ZNF214: variants seen among roughly 807,000 people sequenced by gnomAD.
ZNF214 encodes BWSCR2-associated zinc finger protein 1.
In ZNF214, 43 loss-of-function variants were observed where a neutral mutation model predicts 53.9. The observed-to-expected ratio is 0.80, with a 90% CI of 0.63 to 1.03. The LOEUF is 1.03. ZNF214 is among the 50% of genes least tolerant of loss of function. The pLI is 0.00. For synonymous variants in ZNF214, 217 were observed against 229.5 expected, an observed-to-expected ratio of 0.95 and a Z score of 0.49; for missense variants, 724 against 719.1, an observed-to-expected ratio of 1.01 and a Z score of -0.08.
chr11:7,013,127 A>C (rs1851646400), intron 1 of ZNF214, among the ~76,000 whole-genome samples: 1 of 152,124 alleles, frequency 6.6e-6, no homozygotes, highest in African/African-American at 2.4e-5. Context: ...AGCATGGTGC[A>C]AGTTGCCCAA....
At chr11:7,013,448 A>G (rs1317511291) in intron 1 of ZNF214, among the ~76,000 whole-genome samples, 5 of 152,236 alleles carry the variant, frequency 3.3e-5, no homozygotes, top group African/African-American at 1.2e-4. Flanking sequence ...CTAGGCTCCT[A>G]TTCCCACTAT....
chr11:7,011,999 A>G (rs1851616736), intron 1 of ZNF214, among the ~76,000 whole-genome samples: 1 of 152,208 alleles, frequency 6.6e-6, no homozygotes, highest in Admixed American at 6.5e-5. Context: ...GCAGTAACTT[A>G]AATTCAATAC....
chr11:7,011,810 CAATA>C (rs1169230187), intron 1 of ZNF214, among the ~76,000 whole-genome samples: 1 of 151,892 alleles, frequency 6.6e-6, no homozygotes, highest in Non-Finnish European at 1.5e-5. Context: ...CTATCAGATA[CAATA>C]AATAGTTTAA....
intron 1 of ZNF214, among the ~76,000 whole-genome samples, chr11:7,010,092 G>C (rs1170206459): frequency 6.6e-6 from 1 of 151,932 alleles, no homozygotes; most frequent in South Asian, 2.1e-4. Context: ...AATATAAACT[G>C]TTCTACCATA....
At position 6,999,236 on chromosome 11, in the gene ZNF214, C is replaced by T. The variant is rs767100029; in HGVS notation, c.*626G>A. 6.6e-6 allele frequency: 1 copy of T among 152,182 alleles called. No homozygotes were observed. Among genetic ancestry groups the T allele is most frequent in the Admixed American group, 6.6e-5 (1 of 15,226 alleles). 9.4% of individuals were successfully genotyped at this position (152,182 alleles called of 1,614,324 possible). ...GTAGTCACCTCAAAGTGAAGCACCCCTGCAACAGAAGGATGGTCCCTGGGT... is the reference window on the plus strand; with the variant it reads ...GTAGTCACCTCAAAGTGAAGCACCCTTGCAACAGAAGGATGGTCCCTGGGT... On this transcript the variant is annotated 3_prime_UTR_variant, in exon 3 of 3. Transcript: ENST00000278314.
chr11:7,003,349 CAG>C (rs1564993615), intron 1 of ZNF214, among the ~76,000 whole-genome samples: 1 of 151,746 alleles, frequency 6.6e-6, no homozygotes, highest in South Asian at 2.1e-4. Context: ...ATAAAGGAAA[CAG>C]ATACTTTTAA....
chr11:7,005,686 C>T lies in ZNF214; in HGVS notation c.-20-2831G>A, dbSNP rs1338788883. 2.0e-5 allele frequency among the ~76,000 whole-genome samples: 3 copies of T among 151,988 alleles called. No individual in the cohort carries two copies. In the East Asian group the frequency reaches 5.8e-4, roughly 29 times the overall value. On this transcript the variant is annotated intron_variant, in intron 1 of 2. Transcript: ENST00000278314. The stretch of plus-strand genomic sequence containing the variant: ...AACAATGGCTTCAGGTGCTGTCAGC[C>T]CAGTCCTTCCATTCTAAGATTCTCT...
At chr11:7,010,716 G>A (rs1024295780) in intron 1 of ZNF214, among the ~76,000 whole-genome samples, 2 of 149,946 alleles carry the variant, frequency 1.3e-5, no homozygotes, top group African/African-American at 4.9e-5. Flanking sequence ...ATAAATGATT[G>A]AGAAAATGCA....
At chr11:7,019,921 C>T (rs1307504539) in intron 1 of ZNF214, among the ~76,000 whole-genome samples, 152 bp downstream of exon 1, 1 of 152,068 alleles carries the variant, frequency 6.6e-6, no homozygotes, top group East Asian at 1.9e-4. Context: ...CTCCCGGTCT[C>T]CGCCACAGAC....
rs2133382676 is a variant in ZNF214 at position 7,001,356 on chromosome 11, G to T, written c.327C>A (p.Leu109=). 1 of 1,613,202 alleles carries T rather than the reference G, an allele frequency of 6.2e-7. No homozygotes were observed. The highest frequency in any genetic ancestry group is 8.5e-7 in the Non-Finnish European group (1 of 1,179,400). Reference sequence around the variant, plus strand: ...TCCCATACCCTGGTACTTGTGTGGAGAGTATTAACCATTCCTGACACTGGG... The same window carrying T: ...TCCCATACCCTGGTACTTGTGTGGATAGTATTAACCATTCCTGACACTGGG... ...DRSQCQEWLI[L]STQVPGYGNY... The change falls in exon 3 of 3, where the codon CTC becomes CTA. Residue 109 remains leucine, a synonymous_variant. Transcript: ENST00000278314.
At chr11:7,019,069 T>G (rs1207288836) in intron 1 of ZNF214, among the ~76,000 whole-genome samples, 4 of 152,180 alleles carry the variant, frequency 2.6e-5, no homozygotes, top group Non-Finnish European at 4.4e-5. Flanking sequence ...TCACTTGGGA[T>G]CAGACTATGA....
chr11:6,999,971 A>T lies in ZNF214; in HGVS notation c.1712T>A (p.Ile571Asn), dbSNP rs767124368. 1 of 1,613,216 alleles carries T rather than the reference A, an allele frequency of 6.2e-7. No homozygotes were observed. The highest frequency in any genetic ancestry group is 1.7e-5 in the Admixed American group (1 of 59,848). The stretch of plus-strand genomic sequence containing the variant: ...CTCTCCTGCATGGACTCTTTGATGA[A>T]TTCGAAGAGCTGAGCTATGACTGAA... ...KGFSHSSALRIHQRVHAGEKP... is the reference protein window; with the variant it reads ...KGFSHSSALRNHQRVHAGEKP... The change falls in exon 3 of 3, where the codon ATT becomes AAT. Residue 571 changes from isoleucine to asparagine, a missense_variant. Coordinates refer to ENST00000278314, the MANE Select transcript of ZNF214 (RefSeq NM_013249.4).
At chr11:7,015,211 T>C (rs1230406021) in intron 1 of ZNF214, among the ~76,000 whole-genome samples, 1 of 151,182 alleles carries the variant, frequency 6.6e-6, no homozygotes, top group Admixed American at 6.6e-5. Context: ...AATAAGAATA[T>C]AAATTCCTAA....
intron 1 of ZNF214, among the ~76,000 whole-genome samples, chr11:7,015,596 C>A (rs1451969870): frequency 6.6e-6 from 1 of 151,530 alleles, no homozygotes; most frequent in Admixed American, 6.6e-5. Flanking sequence ...ACAACAAAAA[C>A]AACAACAACA....
At chr11:7,003,397 T>TATC (rs1227033384) in intron 1 of ZNF214, among the ~76,000 whole-genome samples, 1 of 152,012 alleles carries the variant, frequency 6.6e-6, no homozygotes, top group East Asian at 1.9e-4. Context: ...AGCCAAATAC[T>TATC]ATCATCATCA....
chr11:7,006,280 G>A (rs1289004469), intron 1 of ZNF214, among the ~76,000 whole-genome samples: 1 of 152,038 alleles, frequency 6.6e-6, no homozygotes, highest in Non-Finnish European at 1.5e-5. Context: ...CCAGGAGTCT[G>A]ATAATTTTCC....
Position 7,000,718 on chromosome 11 carries a change from T to A in ZNF214, c.965A>T (p.Gln322Leu). The change falls in exon 3 of 3, where the codon CAA becomes CTA. Residue 322 changes from glutamine to leucine, a missense_variant. Transcript: ENST00000278314. ...GAATTTCTCTTCTGTGTGGACTCTT[T>A]GATGATTGTGAAGACTAGAGATCTG... is the stretch of plus-strand genomic sequence containing the variant. ...FSQISSLHNH[Q>L]RVHTEEKFYK... is the part of the protein sequence containing the mutation. The A allele has an allele frequency of 6.2e-7, 1 of 1,610,202 alleles. No individual in the cohort carries two copies.
At chr11:7,004,166 T>A (rs980404091) in intron 1 of ZNF214, among the ~76,000 whole-genome samples, 3 of 151,996 alleles carry the variant, frequency 2.0e-5, no homozygotes, top group African/African-American at 7.2e-5. Context: ...TAATTTCTTT[T>A]ACTGGAAATA....
intron 1 of ZNF214, among the ~76,000 whole-genome samples, chr11:7,011,802 A>T (rs926482883): frequency 6.6e-6 from 1 of 152,172 alleles, no homozygotes; most frequent in Non-Finnish European, 1.5e-5. Flanking sequence ...CAGCAAAACT[A>T]TCAGATACAA....
Sources: allele counts gnomAD v4.1 joint callset (sites outside exome capture counted in the v4.1 genomes callset), GRCh38; gene constraint gnomAD v4.1.1; transcripts MANE v1.5; gene names NCBI Gene and HGNC (gene_info 2026-07-23, HGNC 2026-07-21).